ATF7IP: variants seen among roughly 807,000 people sequenced by gnomAD.
ATF7IP encodes activating transcription factor 7 interacting protein, also known as activating transcription factor 7-interacting protein 1.
Under a neutral mutation model 106.4 loss-of-function variants are expected in ATF7IP, and 23 were observed. The observed-to-expected ratio is 0.22, with a 90% CI of 0.16 to 0.31. ATF7IP has a LOEUF of 0.31. Among genes scored for constraint, ATF7IP ranks in the 10% least tolerant of loss-of-function variants. The probability of loss-of-function intolerance (pLI) is 1.00; values close to 1 mark genes in which losing one functional copy is unlikely to be tolerated. For synonymous variants in ATF7IP, 542 were observed against 539.0 expected (o/e 1.01, Z -0.08); for missense variants, 1,334 against 1,524.3 (o/e 0.88, Z 2.08).
intron 13 of ATF7IP, among the ~76,000 whole-genome samples, chr12:14,485,121 T>C (rs918192495): frequency 6.6e-6 from 1 of 151,982 alleles, no homozygotes; most frequent in African/African-American, 2.4e-5. Context: ...CAAGCACCAT[T>C]GAATCTGCTG....
chr12:14,471,058 A>G (rs780060191), intron 10 of ATF7IP, among the ~76,000 whole-genome samples: 1 of 151,950 alleles, frequency 6.6e-6, no homozygotes, highest in Non-Finnish European at 1.5e-5. Context: ...TTAGTTAGTA[A>G]TTTGTTTAAT....
intron 1 of ATF7IP, among the ~76,000 whole-genome samples, chr12:14,397,608 C>T (rs2136452970): frequency 6.6e-6 from 1 of 152,194 alleles, no homozygotes; most frequent in Admixed American, 6.5e-5. Context: ...CTTCTCATAG[C>T]CCCCCACTTT....
intron 12 of ATF7IP, among the ~76,000 whole-genome samples, chr12:14,479,044 C>T (rs1028110327): frequency 7.2e-5 from 11 of 152,114 alleles, no homozygotes; most frequent in African/African-American, 2.7e-4. Context: ...ATTACTAATG[C>T]ATGTGGAAAA....
intron 1 of ATF7IP, among the ~76,000 whole-genome samples, chr12:14,386,620 G>T (rs570922407): frequency 1.3e-5 from 2 of 152,122 alleles, no homozygotes; most frequent in South Asian, 4.1e-4. Flanking sequence ...AGAAACAAAA[G>T]GACACGTGAT....
At position 14,424,471 on chromosome 12, in the gene ATF7IP, C is replaced by T. The variant is rs200116386; in HGVS notation, c.556C>T (p.Pro186Ser). The T allele has an allele frequency of 6.2e-7, 1 of 1,611,334 alleles. No individual in the cohort carries two copies. The highest frequency in any genetic ancestry group is 1.1e-5 in the South Asian group (1 of 90,586). The change falls in exon 2 of 15, where the codon CCT (proline) becomes TCT (serine). Residue 186 changes from proline (P) to serine (S), a missense_variant. Physicochemically the swap from Pro to Ser is moderately conservative, Grantham distance 74. This residue lies in a region of ATF7IP where 438 missense variants were observed against 405.3 expected (regional missense o/e 1.08). Transcript: ENST00000261168. ...SGDAPSGDVS[P>S]GDATSGDATA... ...TGATGCCCCTTCTGGTGATGTGTCC[C>T]CTGGTGATGCCACCTCTGGTGATGC...
intron 13 of ATF7IP, 116 bp downstream of exon 13, chr12:14,481,301 A>G: frequency 1.1e-6 from 1 of 878,070 alleles, no homozygotes; most frequent in Non-Finnish European, 1.7e-6. Flanking sequence ...TGTCATATTA[A>G]AAGTATTGTT....
At chr12:14,459,265 A>G (rs1051068861) in intron 8 of ATF7IP, among the ~76,000 whole-genome samples, 1 of 152,188 alleles carries the variant, frequency 6.6e-6, no homozygotes, top group African/African-American at 2.4e-5. Context: ...AGTTGAGTTT[A>G]CAGCTCAATT....
intron 1 of ATF7IP, among the ~76,000 whole-genome samples, chr12:14,409,998 T>A (rs1940818098): frequency 1.3e-5 from 2 of 152,138 alleles, no homozygotes; most frequent in Non-Finnish European, 2.9e-5. Context: ...ATATTCACAG[T>A]CGCATAATCA....
At chr12:14,392,591 G>T (rs1939620346) in intron 1 of ATF7IP, among the ~76,000 whole-genome samples, 1 of 152,202 alleles carries the variant, frequency 6.6e-6, no homozygotes, top group Admixed American at 6.5e-5. Flanking sequence ...CTCTCTCAGG[G>T]AGTTTACACT....
chr12:14,407,381 T>C (rs1940649544), intron 1 of ATF7IP, among the ~76,000 whole-genome samples: 1 of 152,140 alleles, frequency 6.6e-6, no homozygotes, highest in South Asian at 2.1e-4. Context: ...TTTTGTTTTC[T>C]CTTTCTTATT....
chr12:14,400,801 C>CTG (rs897262953), intron 1 of ATF7IP, among the ~76,000 whole-genome samples: 8 of 152,218 alleles, frequency 5.3e-5, no homozygotes, highest in African/African-American at 1.9e-4. Context: ...CCACTCATTT[C>CTG]TGTATATTAA....
intron 1 of ATF7IP, among the ~76,000 whole-genome samples, chr12:14,390,956 C>T (rs1466484096): frequency 6.6e-6 from 1 of 152,206 alleles, no homozygotes; most frequent in South Asian, 2.1e-4. Context: ...GAATGTTATG[C>T]CTTTTTGGAA....
intron 1 of ATF7IP, among the ~76,000 whole-genome samples, chr12:14,368,226 G>T (rs2136387576): frequency 6.6e-6 from 1 of 152,126 alleles, no homozygotes; most frequent in East Asian, 1.9e-4. Flanking sequence ...ACTTTTCCAT[G>T]ATTGAGCAAT....
At position 14,374,805 on chromosome 12, in the gene ATF7IP, A is replaced by G. The variant is rs181186341; in HGVS notation, c.-8+8978A>G. 1.3e-4 allele frequency among the ~76,000 whole-genome samples: 20 copies of G among 152,330 alleles called. No homozygotes were observed. In the East Asian group the frequency reaches 3.3e-3, roughly 25 times the overall value. On this transcript the variant is annotated intron_variant, in intron 1 of 14. Coordinates refer to ENST00000261168, the MANE Select transcript of ATF7IP (RefSeq NM_018179.5). ...GCCATGGCACCCACATAGTATGCCT[A>G]TTAAAGCATGTTGTTGCTCTCAACT... is the stretch of plus-strand genomic sequence containing the variant.
Position 14,415,972 on chromosome 12 carries a change from G to A in ATF7IP, c.-7-7937G>A, listed in dbSNP as rs1941182929. On this transcript the variant is annotated intron_variant, in intron 1 of 14. Coordinates refer to ENST00000261168, the MANE Select transcript of ATF7IP (RefSeq NM_018179.5). ...GTCTCCCACAAATACTGATGGACATGGTATTTAAAATAAAAATTTCAAAAT... is the reference window on the plus strand; with the variant it reads ...GTCTCCCACAAATACTGATGGACATAGTATTTAAAATAAAAATTTCAAAAT... Among the ~76,000 whole-genome samples the A allele has an allele frequency of 4.6e-5, 7 of 152,022 alleles. 1 individual carries two copies. The South Asian group carries it at 1.5e-3, about 32-fold the overall frequency.
At chr12:14,371,224 A>G (rs552398492) in intron 1 of ATF7IP, among the ~76,000 whole-genome samples, 1 of 152,216 alleles carries the variant, frequency 6.6e-6, no homozygotes, top group African/African-American at 2.4e-5. Context: ...TTATTGAACT[A>G]AACTTGTAAA....
At chr12:14,399,830 G>C (rs529617005) in intron 1 of ATF7IP, among the ~76,000 whole-genome samples, 2 of 152,060 alleles carry the variant, frequency 1.3e-5, no homozygotes, top group Non-Finnish European at 2.9e-5. Flanking sequence ...TTGAATTCTT[G>C]AATGTATTCA....
intron 12 of ATF7IP, among the ~76,000 whole-genome samples, chr12:14,480,749 ATCTGG>A (rs965444936): frequency 6.6e-6 from 1 of 152,136 alleles, no homozygotes; most frequent in African/African-American, 2.4e-5. Flanking sequence ...ATTGCTTATT[ATCTGG>A]TCAAACCAGA....
At position 14,478,321 on chromosome 12, in the gene ATF7IP, C is replaced by T. The variant is rs1944321988; in HGVS notation, c.2946C>T (p.Pro982=). The T allele has an allele frequency of 6.2e-7, 1 of 1,613,492 alleles. No homozygotes were observed. Among genetic ancestry groups the T allele is most frequent in the African/African-American group, 1.3e-5 (1 of 74,880 alleles). ...TATTTCACTTTTAACTAACAGACCCCAAAAAACTAAATCACACTCCTGTAT... is the reference window on the plus strand; with the variant it reads ...TATTTCACTTTTAACTAACAGACCCTAAAAAACTAAATCACACTCCTGTAT... ...DDEESGASQD[P]KKLNHTPVST... Residue 982 remains proline, a synonymous_variant, in exon 12 of 15, where the codon CCC becomes CCT. Coordinates refer to ENST00000261168, the MANE Select transcript of ATF7IP (RefSeq NM_018179.5).
Sources: allele counts gnomAD v4.1 joint callset (sites outside exome capture counted in the v4.1 genomes callset), GRCh38; gene constraint gnomAD v4.1.1; regional missense constraint gnomAD v4.1.1; transcripts MANE v1.5; gene names NCBI Gene and HGNC (gene_info 2026-07-23, HGNC 2026-07-21).